Variants in CAPS2 observed in about 807,000 individuals in gnomAD.
The protein encoded by CAPS2 is calcyphosine 2, also known as calcyphosin-2.
Under a neutral mutation model 86.5 loss-of-function variants are expected in CAPS2, and 98 were observed. That is an observed-to-expected ratio of 1.13 (90% confidence interval 0.96 to 1.34). The LOEUF (loss-of-function observed/expected upper bound fraction) is 1.34. Among genes scored for constraint, CAPS2 ranks in the 40% most tolerant of loss-of-function variants. The pLI, the probability that CAPS2 is intolerant of heterozygous loss-of-function variation, is 0.00. For synonymous variants in CAPS2, 210 were observed against 225.1 expected, an observed-to-expected ratio of 0.93 and a Z score of 0.60; for missense variants, 729 against 686.8, an observed-to-expected ratio of 1.06 and a Z score of -0.69.
rs980051827 is a variant in CAPS2, at chr12:75,304,656, G to A, written c.779+101C>T. On this transcript the variant is annotated intron_variant, in intron 8 of 16. Coordinates refer to ENST00000393284, the Ensembl canonical transcript of CAPS2. The stretch of plus-strand genomic sequence containing the variant: ...TCCACTTTTCTTTATATAGAAAAAA[G>A]TGAAACAAACACAAAAGCTCCAGCT... 128 of 893,760 alleles carry A rather than the reference G, an allele frequency of 1.4e-4. 1 individual carries two copies. The highest frequency in any genetic ancestry group is 1.8e-4 in the Non-Finnish European group (116 of 644,290). The allele number at this position is 893,760 out of a possible 1,614,324, so 55.4% of individuals were successfully genotyped here. A position where few individuals can be genotyped will look rare whatever the true frequency, so the allele number is the denominator to read the frequency against.
chr12:75,305,480 A>G, intron 7 of CAPS2: 3 of 578,110 alleles, frequency 5.2e-6, no homozygotes, highest in South Asian at 1.6e-5. Context: ...AGCGACCCCA[A>G]CTTTGCAGCC....
upstream of CAPS2, chr12:75,329,925 C>A (rs2041147342): frequency 6.9e-7 from 1 of 1,443,158 alleles, no homozygotes; most frequent in Non-Finnish European, 9.5e-7. Flanking sequence ...AGCCTGATTT[C>A]ACCTAACAAG....
chr12:75,352,478 T>C (rs970286879), intron 1 of CAPS2, among the ~76,000 whole-genome samples: 26 of 152,202 alleles, frequency 1.7e-4, no homozygotes, highest in Admixed American at 1.3e-3. Flanking sequence ...ATGCACCCAA[T>C]ACAGGAGCAC....
intron 6 of CAPS2, among the ~76,000 whole-genome samples, chr12:75,314,045 G>C (rs962219389): frequency 6.6e-6 from 1 of 151,980 alleles, no homozygotes; most frequent in Non-Finnish European, 1.5e-5. Context: ...TCAACTTCCC[G>C]AGTAACTGGG....
In CAPS2 at chr12:75,336,306, C is replaced by A. The variant is rs943446981; in HGVS notation, c.-394-13084G>T. Among the ~76,000 whole-genome samples the A allele has an allele frequency of 3.3e-5, 5 of 151,796 alleles. No individual in the cohort carries two copies. In the East Asian group the frequency reaches 9.6e-4, roughly 29 times the overall value. ...AGGAACAAAAGAACAAAGAGGGAAT[C>A]ATTTAAAAATAGCAAATGGTAGACT... On this transcript the variant is annotated intron_variant, in intron 1 of 5. Coordinates refer to the CAPS2 transcript ENST00000551829.
chr12:75,385,620 C>A (rs1018001595), intron 1 of CAPS2, among the ~76,000 whole-genome samples: 12 of 151,990 alleles, frequency 7.9e-5, no homozygotes, highest in African/African-American at 2.9e-4. Flanking sequence ...TACAATAAGA[C>A]AAGAAAATAA....
At chr12:75,290,937 A>AAAAAACC (rs2035744397) in intron 13 of CAPS2, among the ~76,000 whole-genome samples, 1 of 27,790 alleles carries the variant, frequency 3.6e-5, no homozygotes, top group African/African-American at 9.2e-5. Context: ...AAAAAAAACA[A>AAAAAACC]AAAAAAAACA....
At chr12:75,304,808 T>G in exon 8 of CAPS2, 1 of 1,610,556 alleles carries the variant, frequency 6.2e-7, no homozygotes, top group East Asian at 2.2e-5. Context: ...CATCTTTGAA[T>G]CTGGAAGGAT....
chr12:75,297,739 A>G (rs1485729319), intron 11 of CAPS2, among the ~76,000 whole-genome samples: 4 of 152,044 alleles, frequency 2.6e-5, no homozygotes, highest in African/African-American at 4.8e-5. Flanking sequence ...CTCTCCTCCA[A>G]CCAGACTGAA....
chr12:75,331,167 T>A (rs999726966), upstream of CAPS2, among the ~76,000 whole-genome samples: 3 of 152,190 alleles, frequency 2.0e-5, no homozygotes, highest in Non-Finnish European at 2.9e-5. Context: ...TTTGAGATAA[T>A]TCCAAGGATC....
chr12:75,334,543 G>A, upstream of CAPS2: 1 of 1,401,602 alleles, frequency 7.1e-7, no homozygotes, highest in Non-Finnish European at 9.2e-7. Flanking sequence ...TTGTGGAAGG[G>A]GAACCCTGCT....
At chr12:75,320,555 C>G (rs559233845) in intron 5 of CAPS2, among the ~76,000 whole-genome samples, 12 of 152,098 alleles carry the variant, frequency 7.9e-5, no homozygotes, top group African/African-American at 2.6e-4. Flanking sequence ...CAGCTAATCA[C>G]TGTGTGATTT....
upstream of CAPS2, among the ~76,000 whole-genome samples, chr12:75,329,097 G>A (rs938371648): frequency 3.3e-5 from 5 of 152,198 alleles, no homozygotes; most frequent in Non-Finnish European, 5.9e-5. Context: ...AGTTATTGCA[G>A]ACCCGAATTC....
At chr12:75,359,911 A>G (rs2043454336) in intron 1 of CAPS2, 2 of 152,174 alleles carry the variant, frequency 1.3e-5, no homozygotes, top group African/African-American at 4.8e-5. Flanking sequence ...GGTTTAATTG[A>G]CTACAGTTCC....
intron 1 of CAPS2, among the ~76,000 whole-genome samples, chr12:75,372,699 GTA>G (rs2044439664): frequency 6.6e-6 from 1 of 152,112 alleles, no homozygotes; most frequent in South Asian, 2.1e-4. Flanking sequence ...GCTCTGTAAA[GTA>G]TTGTCACCTA....
In CAPS2 at chr12:75,326,417, C is replaced by G; in HGVS notation, c.81+1G>C. 7.4e-7 allele frequency: 1 copy of G among 1,357,734 alleles called. No individual in the cohort carries two copies. The highest frequency in any genetic ancestry group is 2.5e-5 in the East Asian group (1 of 40,024). 84.1% of individuals were successfully genotyped at this position (1,357,734 alleles called of 1,614,324 possible). A position where few individuals can be genotyped will look rare whatever the true frequency, so the allele number is the denominator to read the frequency against. On this transcript the variant is annotated splice_donor_variant, in intron 1 of 16. Coordinates refer to ENST00000393284, the Ensembl canonical transcript of CAPS2. LOFTEE classifies it high-confidence loss of function. ...AAGAAAATTATATAGAGCTCACATA[C>G]TTGTAGAGGCTTCTTTCTTCCAAAG...
At chr12:75,323,110 T>C (rs769514291) in intron 3 of CAPS2, 67 bp downstream of exon 4, 20 of 1,508,132 alleles carry the variant, frequency 1.3e-5, no homozygotes, top group Non-Finnish European at 1.5e-5. Flanking sequence ...GTTAATGATA[T>C]TTCTTATATG....
chr12:75,292,227 C>T (rs1359948941), intron 12 of CAPS2, among the ~76,000 whole-genome samples: 3 of 151,884 alleles, frequency 2.0e-5, no homozygotes, highest in Non-Finnish European at 4.4e-5. Context: ...CCACCACGCC[C>T]AGCTAATTTT....
downstream of CAPS2, chr12:75,276,998 C>T (rs1267815858): frequency 2.0e-6 from 2 of 984,294 alleles, no homozygotes; most frequent in East Asian, 1.1e-4. Context: ...TTTTACTATA[C>T]CAAAATCAAA....
Sources: allele counts gnomAD v4.1 joint callset (sites outside exome capture counted in the v4.1 genomes callset), GRCh38; gene constraint gnomAD v4.1.1; transcripts MANE v1.5; gene names NCBI Gene and HGNC (gene_info 2026-07-23, HGNC 2026-07-21).